MBNL2: variants seen among roughly 807,000 people sequenced by gnomAD.
MBNL2 encodes muscleblind-like protein 2.
MBNL2 carries 17 observed loss-of-function variants against 41.9 expected under a neutral mutation model. The observed-to-expected ratio is 0.41, with a 90% CI of 0.28 to 0.61. The LOEUF (loss-of-function observed/expected upper bound fraction) is 0.61, where lower values mean the gene tolerates loss of function less well. MBNL2 is among the 20% of genes least tolerant of loss of function. The probability of loss-of-function intolerance (pLI) is 0.35; values close to 1 mark genes in which losing one functional copy is unlikely to be tolerated. For synonymous variants in MBNL2, 195 were observed against 182.9 expected, an observed-to-expected ratio of 1.07 and a Z score of -0.53; for missense variants, 336 against 505.6, an observed-to-expected ratio of 0.66 and a Z score of 3.22.
intron 1 of MBNL2, among the ~76,000 whole-genome samples, chr13:97,227,340 A>G (rs540531911): frequency 5.9e-5 from 9 of 152,340 alleles, no homozygotes; most frequent in African/African-American, 1.9e-4. Flanking sequence ...AGGGTGGTAC[A>G]TGACCTCAGA....
intron 5 of MBNL2, 55 bp downstream of exon 5, chr13:97,347,122 C>G (rs1231249164): frequency 8.9e-6 from 12 of 1,347,284 alleles, no homozygotes; most frequent in Admixed American, 3.0e-5. Flanking sequence ...GAGGCCGCTC[C>G]GGGCTGGGAC....
chr13:97,389,397 T>C (rs560529351), intron 8 of MBNL2, among the ~76,000 whole-genome samples: 2 of 152,132 alleles, frequency 1.3e-5, no homozygotes, highest in African/African-American at 4.8e-5. Flanking sequence ...AAAATACATA[T>C]TATTATATAT....
In MBNL2 at chr13:97,391,788, T is replaced by C; in HGVS notation, c.*339T>C. On this transcript the variant is annotated 3_prime_UTR_variant, in exon 9 of 9. Coordinates refer to ENST00000679496, the MANE Select transcript of MBNL2 (RefSeq NM_001382683.1). ...CATATTCCAAGGGCAGGTTCGATTC[T>C]AGCTCTAATTACTGTCATGTCATTT... 1 of 200,036 alleles carries C rather than the reference T, an allele frequency of 5.0e-6. No homozygotes were observed. The highest frequency in any genetic ancestry group is 1.7e-4 in the East Asian group (1 of 5,886). The allele number at this position is 200,036 out of a possible 1,614,324, so 12.4% of individuals were successfully genotyped here.
intron 2 of MBNL2, among the ~76,000 whole-genome samples, chr13:97,311,913 C>A (rs1457901958): frequency 6.6e-6 from 1 of 152,206 alleles, no homozygotes; most frequent in Non-Finnish European, 1.5e-5. Context: ...CATTCCATTA[C>A]AGATAGTCCT....
chr13:97,350,588 A>T (rs1302637194), intron 5 of MBNL2, among the ~76,000 whole-genome samples: 1 of 152,220 alleles, frequency 6.6e-6, no homozygotes, highest in Non-Finnish European at 1.5e-5. Context: ...AGTTTGCTAA[A>T]TCCTTTGGTA....
At chr13:97,216,281 A>G in the MBNL2 span, among the ~76,000 whole-genome samples, 2 of 152,214 alleles carry the variant, frequency 1.3e-5, no homozygotes, top group African/African-American at 4.8e-5. Flanking sequence ...ATAGAAATCA[A>G]TCAACCAAAA....
At chr13:97,225,989 A>AT (rs955919272) in intron 1 of MBNL2, among the ~76,000 whole-genome samples, 24 of 150,060 alleles carry the variant, frequency 1.6e-4, no homozygotes, top group East Asian at 1.9e-4. Context: ...TTAACATACT[A>AT]TTTTTTTTTC....
At chr13:97,329,792 A>G (rs1020506464) in intron 2 of MBNL2, among the ~76,000 whole-genome samples, 3 of 79,876 alleles carry the variant, frequency 3.8e-5, no homozygotes, top group African/African-American at 8.6e-5. Context: ...CACACAATAC[A>G]TATAATACAT....
At chr13:97,181,022 C>T in the MBNL2 span, among the ~76,000 whole-genome samples, 1 of 152,058 alleles carries the variant, frequency 6.6e-6, no homozygotes, top group Non-Finnish European at 1.5e-5. Flanking sequence ...TGGCTTATGT[C>T]TCCTTCTTCC....
the MBNL2 span, among the ~76,000 whole-genome samples, chr13:97,202,349 A>G: frequency 5.3e-5 from 8 of 152,206 alleles, no homozygotes; most frequent in Admixed American, 5.2e-4. Context: ...CATTAAGGTG[A>G]TGAGTTTAGG....
rs2044698654 is a variant in MBNL2 at position 97,243,290 on chromosome 13, A to G, written c.-605+20759A>G. 2.0e-5 allele frequency among the ~76,000 whole-genome samples: 3 copies of G among 152,234 alleles called. No homozygotes were observed. The South Asian group carries it at 6.2e-4, about 31-fold the overall frequency. On this transcript the variant is annotated intron_variant, in intron 1 of 8. Transcript: ENST00000679496. Reference sequence around the variant, plus strand: ...ATGGACTGCTCCTGACGGCTTATTTATTTAGTCAGTCAACAAACCCTAAGT... The same window carrying G: ...ATGGACTGCTCCTGACGGCTTATTTGTTTAGTCAGTCAACAAACCCTAAGT...
intron 2 of MBNL2, among the ~76,000 whole-genome samples, chr13:97,290,270 A>G (rs1305499187): frequency 6.6e-6 from 1 of 152,198 alleles, no homozygotes; most frequent in African/African-American, 2.4e-5. Flanking sequence ...ATGCCCCAGT[A>G]TGACAGGCAG....
intron 8 of MBNL2, among the ~76,000 whole-genome samples, chr13:97,379,468 G>C (rs2153154102): frequency 6.6e-6 from 1 of 152,208 alleles, no homozygotes; most frequent in South Asian, 2.1e-4. Flanking sequence ...CTTTCAAATT[G>C]ATCTCAGGTA....
chr13:97,334,499 C>A lies in MBNL2; in HGVS notation c.339+59C>A. On this transcript the variant is annotated intron_variant, in intron 3 of 8. Coordinates refer to ENST00000679496, the MANE Select transcript of MBNL2 (RefSeq NM_001382683.1). This position sits in a 1 kb window ranked among gnomAD's most constrained non-coding sequence, Gnocchi z 5.3. ...GGTTACAGTGTTGGTATGGATGATG[C>A]CACGTTGACCTAGGGTGGCCTCTCT... 1.6e-6 allele frequency: 2 copies of A among 1,288,496 alleles called. No homozygotes were observed. Among genetic ancestry groups the A allele is most frequent in the Non-Finnish European group, 2.1e-6 (2 of 939,456 alleles). 79.8% of individuals were successfully genotyped at this position (1,288,496 alleles called of 1,614,324 possible).
the MBNL2 span, among the ~76,000 whole-genome samples, chr13:97,203,760 T>C: frequency 2.6e-5 from 4 of 152,210 alleles, no homozygotes; most frequent in African/African-American, 9.7e-5. Flanking sequence ...ATTATCAATC[T>C]CCCTCTTCTC....
At chr13:97,215,090 T>C in the MBNL2 span, among the ~76,000 whole-genome samples, 1 of 152,224 alleles carries the variant, frequency 6.6e-6, no homozygotes, top group African/African-American at 2.4e-5. Context: ...CTCCAACGCT[T>C]GGAGGATTTC....
chr13:97,228,485 T>C (rs955572203), intron 1 of MBNL2, among the ~76,000 whole-genome samples: 2 of 151,884 alleles, frequency 1.3e-5, no homozygotes, highest in South Asian at 4.1e-4. Context: ...GTAACATATA[T>C]ATATCTTACA....
At chr13:97,233,534 G>C (rs937128304) in intron 1 of MBNL2, among the ~76,000 whole-genome samples, 1 of 151,754 alleles carries the variant, frequency 6.6e-6, no homozygotes, top group Non-Finnish European at 1.5e-5. Flanking sequence ...TCACACCTGA[G>C]TCTTAGCTGG....
At chr13:97,242,890 T>G (rs1291530438) in intron 1 of MBNL2, among the ~76,000 whole-genome samples, 1 of 152,140 alleles carries the variant, frequency 6.6e-6, no homozygotes, top group African/African-American at 2.4e-5. Context: ...AATGACATCA[T>G]CCTCTGAAAT....
Sources: allele counts gnomAD v4.1 joint callset (sites outside exome capture counted in the v4.1 genomes callset), GRCh38; gene constraint gnomAD v4.1.1; non-coding constraint Gnocchi (gnomAD v3.1); transcripts MANE v1.5; gene names NCBI Gene and HGNC (gene_info 2026-07-23, HGNC 2026-07-21).